The following ASAP1 variants were observed in gnomAD, a reference collection of about 807,000 sequenced individuals.
The protein encoded by ASAP1 is ArfGAP with SH3 domain, ankyrin repeat and PH domain 1.
In ASAP1, 43 loss-of-function variants were observed where a neutral mutation model predicts 145.2. The observed-to-expected ratio is 0.30, with a 90% CI of 0.23 to 0.38. The LOEUF (loss-of-function observed/expected upper bound fraction) is 0.38. ASAP1 is among the 10% of genes least tolerant of loss of function. The pLI, the probability that ASAP1 is intolerant of heterozygous loss-of-function variation, is 1.00. For missense variants in ASAP1, 1,018 were observed against 1,355.3 expected (o/e 0.75, Z 3.91); for synonymous variants, 546 against 515.5 (o/e 1.06, Z -0.80).
intron 1 of ASAP1, among the ~76,000 whole-genome samples, chr8:130,436,776 G>A (rs1830326774): frequency 6.6e-6 from 1 of 151,640 alleles, no homozygotes; most frequent in Non-Finnish European, 1.5e-5. Context: ...ACTCCAGCTG[G>A]GGCAACACAG....
chr8:130,440,901 G>C (rs1830467082), intron 1 of ASAP1, among the ~76,000 whole-genome samples: 2 of 152,210 alleles, frequency 1.3e-5, no homozygotes, highest in East Asian at 3.9e-4. Context: ...TTGTTTCCTT[G>C]ATAACAAGGA....
At chr8:130,159,766 T>G in intron 12 of ASAP1, 98 bp downstream of exon 12, 2 of 899,668 alleles carry the variant, frequency 2.2e-6, no homozygotes, top group Non-Finnish European at 3.7e-6. Flanking sequence ...CTGCAGCTAG[T>G]GTATTATAAA....
intron 3 of ASAP1, among the ~76,000 whole-genome samples, chr8:130,276,862 G>A (rs1453055144): frequency 6.6e-6 from 1 of 151,952 alleles, no homozygotes; most frequent in Non-Finnish European, 1.5e-5. Context: ...AAAGGGACAA[G>A]GAGAGCAGTG....
intron 5 of ASAP1, among the ~76,000 whole-genome samples, chr8:130,213,804 C>T (rs1816725193): frequency 6.6e-6 from 1 of 152,186 alleles, no homozygotes; most frequent in Non-Finnish European, 1.5e-5. Context: ...AATGATCCGT[C>T]CAGGTGGTGT....
At chr8:130,292,413 A>G (rs772968837) in intron 3 of ASAP1, among the ~76,000 whole-genome samples, 5 of 152,174 alleles carry the variant, frequency 3.3e-5, no homozygotes, top group Admixed American at 6.5e-5. Context: ...CTGCCCCCCA[A>G]TCCCATCCCA....
chr8:130,285,378 C>T (rs1231413838), intron 3 of ASAP1, among the ~76,000 whole-genome samples: 1 of 151,706 alleles, frequency 6.6e-6, no homozygotes, highest in East Asian at 1.9e-4. Context: ...TACTAGTGAA[C>T]ACAGAATTTC....
chr8:130,314,174 C>A (rs929276652), intron 3 of ASAP1, among the ~76,000 whole-genome samples: 5 of 152,170 alleles, frequency 3.3e-5, no homozygotes, highest in African/African-American at 9.7e-5. Flanking sequence ...TTCCTCCCCC[C>A]ACTTACACCC....
At chr8:130,214,404 TG>T (rs1816764726) in intron 5 of ASAP1, 151 bp downstream of exon 5, 1 of 611,332 alleles carries the variant, frequency 1.6e-6, no homozygotes, top group African/African-American at 1.9e-5. Flanking sequence ...AGTTGAGGTG[TG>T]GAAGTTACCT....
At chr8:130,075,807 T>A (rs1310164014) in intron 27 of ASAP1, among the ~76,000 whole-genome samples, 1 of 152,206 alleles carries the variant, frequency 6.6e-6, no homozygotes, top group African/African-American at 2.4e-5. Flanking sequence ...GACACTGCTT[T>A]CTTGTACTTT....
chr8:130,396,248 G>A (rs963340726), intron 2 of ASAP1, among the ~76,000 whole-genome samples: 1 of 152,160 alleles, frequency 6.6e-6, no homozygotes, highest in African/African-American at 2.4e-5. Flanking sequence ...GAATGAATAC[G>A]TTTTCTAAAA....
chr8:130,193,195 C>A (rs1815259752), intron 5 of ASAP1, among the ~76,000 whole-genome samples: 3 of 152,040 alleles, frequency 2.0e-5, no homozygotes, highest in African/African-American at 7.3e-5. Flanking sequence ...AAGATGAAAC[C>A]CTGCCTCTAC....
At chr8:130,098,557 C>G (rs1286710200) in intron 24 of ASAP1, among the ~76,000 whole-genome samples, 2 of 152,038 alleles carry the variant, frequency 1.3e-5, no homozygotes, top group African/African-American at 4.8e-5. Context: ...TGTTGGCCAC[C>G]TAGGCTGGGC....
chr8:130,365,633 G>A (rs1826914411), intron 2 of ASAP1, among the ~76,000 whole-genome samples: 1 of 152,156 alleles, frequency 6.6e-6, no homozygotes, highest in Non-Finnish European at 1.5e-5. Context: ...TCAAGAATGA[G>A]AACGTTCCTC....
intron 26 of ASAP1, among the ~76,000 whole-genome samples, chr8:130,077,419 A>G (rs536012062): frequency 1.3e-5 from 2 of 152,118 alleles, no homozygotes; most frequent in East Asian, 3.9e-4. Context: ...GGAGGCCTGC[A>G]TGCCTGAGAA....
chr8:130,224,789 C>T (rs1327794444), intron 4 of ASAP1, among the ~76,000 whole-genome samples: 1 of 152,192 alleles, frequency 6.6e-6, no homozygotes, highest in East Asian at 1.9e-4. Context: ...ACAATAAATA[C>T]TCTTATACAC....
At chr8:130,132,239 A>G (rs998718093) in intron 15 of ASAP1, among the ~76,000 whole-genome samples, 6 of 152,248 alleles carry the variant, frequency 3.9e-5, no homozygotes, top group African/African-American at 1.4e-4. Flanking sequence ...GAGGATTAAT[A>G]AGACATGAAG....
rs181327053 is a variant in ASAP1, at chr8:130,112,302, C to T, written c.2193G>A (p.Glu731=). The T allele has an allele frequency of 1.2e-6, 2 of 1,613,950 alleles. No individual in the cohort carries two copies. Among genetic ancestry groups the T allele is most frequent in the South Asian group, 1.1e-5 (1 of 91,084 alleles). Residue 731 remains glutamate, a synonymous_variant, in exon 24 of 30, where the codon GAG becomes GAA. Transcript: ENST00000518721. ...LDDKPSPIKK[E]RSPRPQSFCH... ...AGAAGCTCTGAGGTCTGGGTGAGCG[C>T]TCTTTCTTGATAGGGCTTGGCTGGC...
At chr8:130,245,343 T>G (rs1329928621) in intron 3 of ASAP1, among the ~76,000 whole-genome samples, 1 of 152,138 alleles carries the variant, frequency 6.6e-6, no homozygotes, top group Non-Finnish European at 1.5e-5. Flanking sequence ...CAGAAACATT[T>G]AACGTCTTCT....
chr8:130,211,072 G>A (rs571539142), intron 5 of ASAP1, among the ~76,000 whole-genome samples: 1 of 152,164 alleles, frequency 6.6e-6, no homozygotes, highest in Non-Finnish European at 1.5e-5. Context: ...AGGATTCCAG[G>A]TGTGATTGGG....
Sources: allele counts gnomAD v4.1 joint callset (sites outside exome capture counted in the v4.1 genomes callset), GRCh38; gene constraint gnomAD v4.1.1; transcripts MANE v1.5; gene names NCBI Gene and HGNC (gene_info 2026-07-23, HGNC 2026-07-21).